ANGEL1: variants seen among roughly 807,000 people sequenced by gnomAD.
ANGEL1 encodes the protein angel homolog 1, also known as RNA 2',3'-cyclic phosphatase ANGEL1.
ANGEL1 carries 62 observed loss-of-function variants against 76.4 expected under a neutral mutation model. That is an observed-to-expected ratio of 0.81 (90% CI 0.66 to 1.00). The LOEUF is 1.00. Among genes scored for constraint, ANGEL1 ranks in the 50% least tolerant of loss-of-function variants. ANGEL1 has a pLI of 0.00. For synonymous variants in ANGEL1, 340 were observed against 331.7 expected (o/e 1.03, Z -0.27); for missense variants, 737 against 836.7 (o/e 0.88, Z 1.47).
chr14:76,809,464 T>G lies in ANGEL1; in HGVS notation c.244A>C (p.Ile82Leu), dbSNP rs1895019929. Residue 82 changes from isoleucine (I) to leucine (L), a missense_variant, in exon 2 of 10, where the codon ATA becomes CTA. Ile to Leu is a conservative substitution (Grantham distance 5). Around this residue, in one of 2 missense-constraint regions of ANGEL1, gnomAD observed 441 missense variants for 449.5 expected, o/e 0.98. Coordinates refer to ENST00000251089, the MANE Select transcript of ANGEL1 (RefSeq NM_015305.4). ...CTGCTCTGGGCTAGTCCTTTATCTA[T>G]AAGGGGCCCCTCACTTGCAGTTGAG... is the stretch of plus-strand genomic sequence containing the variant. ...VLSTASEGPLIDKGLAQSSLA... is the reference protein window; with the variant it reads ...VLSTASEGPLLDKGLAQSSLA... The G allele has an allele frequency of 6.2e-7, 1 of 1,614,230 alleles. No homozygotes were observed. Among genetic ancestry groups the G allele is most frequent in the East Asian group, 2.2e-5 (1 of 44,884 alleles).
rs1894277062 is a variant in ANGEL1 at position 76,787,011 on chromosome 14, G to A, written c.*2217C>T. The A allele has an allele frequency of 6.6e-6, 1 of 152,260 alleles. No homozygotes were observed. Among genetic ancestry groups the A allele is most frequent in the Non-Finnish European group, 1.5e-5 (1 of 68,082 alleles). 9.4% of individuals were successfully genotyped at this position (152,260 alleles called of 1,614,324 possible). ...GACAGAAGAAAGCTGTACCCCAGCAGTGTCAAGGCAGGAGGCTTCACTCAA... is the reference window on the plus strand; with the variant it reads ...GACAGAAGAAAGCTGTACCCCAGCAATGTCAAGGCAGGAGGCTTCACTCAA... On this transcript the variant is annotated 3_prime_UTR_variant, in exon 10 of 10. Coordinates refer to ENST00000251089, the MANE Select transcript of ANGEL1 (RefSeq NM_015305.4).
At chr14:76,810,361 T>TGAGCTATGACTG (rs1286829085) in intron 1 of ANGEL1, 4 of 362,018 alleles carry the variant, frequency 1.1e-5, no homozygotes, top group Non-Finnish European at 2.3e-5. Context: ...GACGCTGCAG[T>TGAGCTATGACTG]GAGCTATGAC....
chr14:76,810,349 T>C (rs1442638778), intron 1 of ANGEL1: 3 of 387,136 alleles, frequency 7.7e-6, no homozygotes, highest in Non-Finnish European at 1.6e-5. Context: ...TGAGCCCAGG[T>C]TGACGCTGCA....
chr14:76,792,342 A>T (rs1894430984), intron 7 of ANGEL1, among the ~76,000 whole-genome samples: 1 of 152,206 alleles, frequency 6.6e-6, no homozygotes, highest in African/African-American at 2.4e-5. Flanking sequence ...AGGAATTCAT[A>T]CAAATCCTTC....
At chr14:76,804,001 A>G (rs1359357516) in intron 5 of ANGEL1, 89 bp from the exon 6 acceptor site, 1 of 1,612,848 alleles carries the variant, frequency 6.2e-7, no homozygotes, top group Non-Finnish European at 8.5e-7. Flanking sequence ...GACAAATACA[A>G]ACACATACAA....
chr14:76,791,749 A>C (rs965232739), intron 7 of ANGEL1, among the ~76,000 whole-genome samples: 1 of 152,220 alleles, frequency 6.6e-6, no homozygotes, highest in East Asian at 1.9e-4. Context: ...CAATGTTACC[A>C]AATTCCTGGT....
intron 9 of ANGEL1, 60 bp downstream of exon 9, chr14:76,790,542 ATGCCTGACC>A (rs1894372826): frequency 6.5e-7 from 1 of 1,539,966 alleles, no homozygotes; most frequent in East Asian, 2.3e-5. Flanking sequence ...ATGCTACCAA[ATGCCTGACC>A]TACCATTAGC....
At chr14:76,807,229 G>T (rs1894945156) in intron 4 of ANGEL1, among the ~76,000 whole-genome samples, 2 of 152,166 alleles carry the variant, frequency 1.3e-5, no homozygotes, top group South Asian at 4.1e-4. Context: ...CACCACATTG[G>T]TTACTTCAAG....
At chr14:76,790,471 A>T in intron 9 of ANGEL1, 140 bp downstream of exon 9, 1 of 1,384,240 alleles carries the variant, frequency 7.2e-7, no homozygotes. Flanking sequence ...GATAAGGATG[A>T]CCAGTGCAAG....
intron 7 of ANGEL1, among the ~76,000 whole-genome samples, chr14:76,792,445 A>G (rs1894435358): frequency 6.6e-6 from 1 of 152,182 alleles, no homozygotes; most frequent in South Asian, 2.1e-4. Context: ...TCACAACAAA[A>G]ACTATAGACC....
intron 1 of ANGEL1, among the ~76,000 whole-genome samples, chr14:76,812,135 G>T (rs1306577477): frequency 6.6e-6 from 1 of 152,244 alleles, no homozygotes; most frequent in African/African-American, 2.4e-5. Flanking sequence ...GGTATCGACT[G>T]GGCATTGCCC....
intron 1 of ANGEL1, among the ~76,000 whole-genome samples, chr14:76,812,058 C>T (rs1464654746): frequency 2.6e-5 from 4 of 152,166 alleles, no homozygotes; most frequent in Non-Finnish European, 5.9e-5. Context: ...TCCGTAATTT[C>T]AAAGCCCAGA....
chr14:76,812,721 A>G (rs8008004), intron 1 of ANGEL1, 43 bp downstream of exon 1: 1,490,773 of 1,493,492 alleles, frequency 1, 744,071 homozygotes, highest in East Asian at 1. Flanking sequence ...CGCAGAGGCG[A>G]GCCCTGGCCG....
rs764140078 is a variant in ANGEL1 at position 76,790,633 on chromosome 14, G to A, written c.1830C>T (p.Ser610=). ...TACCAGTTCTGTTCCCATTCTCACAGGACTCAGCTGAGAAGAAGATGTAAT... is the reference window on the plus strand; with the variant it reads ...TACCAGTTCTGTTCCCATTCTCACAAGACTCAGCTGAGAAGAAGATGTAAT... ...TVDYIFFSAE[S]CENGNRTDHR... is the part of the protein sequence containing the mutation. Residue 610 remains serine, a synonymous_variant, in exon 9 of 10, where the codon TCC becomes TCT. Transcript: ENST00000251089. 1.9e-5 allele frequency: 31 copies of A among 1,613,758 alleles called. No individual in the cohort carries two copies. Among genetic ancestry groups the A allele is most frequent in the Non-Finnish European group, 2.5e-5 (29 of 1,179,858 alleles).
At chr14:76,803,633 A>G (rs916220208) in intron 6 of ANGEL1, 152 bp from the exon 7 acceptor site, 2 of 1,369,726 alleles carry the variant, frequency 1.5e-6, no homozygotes, top group African/African-American at 2.9e-5. Context: ...AAAGTTGTCC[A>G]TTTCATTGGA....
Position 76,789,333 on chromosome 14 carries a change from G to A in ANGEL1, c.1908C>T (p.Leu636=). The A allele has an allele frequency of 6.2e-7, 1 of 1,614,262 alleles. No homozygotes were observed. Among genetic ancestry groups the A allele is most frequent in the African/African-American group, 1.3e-5 (1 of 75,062 alleles). ...TGGCAGCCCAGAGTATCTCTTCAGAGAGAAGGGAGAGACGACCCAGGAGCT... is the reference window on the plus strand; with the variant it reads ...TGGCAGCCCAGAGTATCTCTTCAGAAAGAAGGGAGAGACGACCCAGGAGCT... ...TLKLLGRLSL[L]SEEILWAANG... Residue 636 remains leucine, a synonymous_variant, in exon 10 of 10, where the codon CTC becomes CTT. Coordinates refer to ENST00000251089, the MANE Select transcript of ANGEL1 (RefSeq NM_015305.4).
chr14:76,804,012 T>C, intron 5 of ANGEL1, 100 bp from the exon 6 acceptor site: 2 of 1,611,506 alleles, frequency 1.2e-6, no homozygotes, highest in Non-Finnish European at 1.7e-6. Flanking sequence ...ACACATACAA[T>C]CACACACTAC....
chr14:76,809,378 G>A lies in ANGEL1; in HGVS notation c.330C>T (p.Ser110=), dbSNP rs2140231193. 6.2e-7 allele frequency: 1 copy of A among 1,614,218 alleles called. No individual in the cohort carries two copies. Among genetic ancestry groups the A allele is most frequent in the Non-Finnish European group, 8.5e-7 (1 of 1,180,038 alleles). ...EENAASEDRW[S]SRQLSDLRAA... ...CCCGAAGGTCACTCAGCTGCCTGCT[G>A]GACCACCTGTCCTCTGAAGCAGCAT... The change falls in exon 2 of 10, where the codon TCC becomes TCT. Residue 110 remains serine (S), a synonymous_variant. Coordinates refer to ENST00000251089, the MANE Select transcript of ANGEL1 (RefSeq NM_015305.4).
intron 7 of ANGEL1, among the ~76,000 whole-genome samples, chr14:76,800,072 T>C (rs993927094): frequency 6.6e-6 from 1 of 152,230 alleles, no homozygotes; most frequent in Admixed American, 6.5e-5. Flanking sequence ...GCACCGCTGG[T>C]GAACTGGCTA....
Sources: gnomAD v4.1 joint callset for allele counts (sites outside exome capture counted in the v4.1 genomes callset) on GRCh38, gnomAD v4.1.1 for gene constraint, gnomAD v4.1.1 regional missense constraint, MANE v1.5 for transcripts, NCBI Gene and HGNC (gene_info 2026-07-23, HGNC 2026-07-21) for gene names.